The following REEP1 variants were observed in gnomAD, a reference collection of about 807,000 sequenced individuals.
REEP1 encodes receptor accessory protein 1.
A neutral mutation model predicts 40.3 loss-of-function variants in REEP1; 22 were observed. The ratio of observed to expected loss-of-function variants is 0.55; its 90% CI spans 0.39 to 0.78. REEP1 has a LOEUF of 0.78. Among genes scored for constraint, REEP1 ranks in the 30% least tolerant of loss-of-function variants. The pLI, the probability that REEP1 is intolerant of heterozygous loss-of-function variation, is 0.00. For missense variants in REEP1, 280 were observed against 361.1 expected (o/e 0.78, Z 1.82); for synonymous variants, 116 against 139.2 (o/e 0.83, Z 1.17).
At chr2:86,248,292 G>T (rs1676078728) in intron 5 of REEP1, among the ~76,000 whole-genome samples, 1 of 152,174 alleles carries the variant, frequency 6.6e-6, no homozygotes, top group African/African-American at 2.4e-5. Flanking sequence ...TACTGAGAGT[G>T]AGAACTGATT....
At position 86,214,627 on chromosome 2, in the gene REEP1, GT is replaced by G. The variant is rs1176545201; in HGVS notation, c.*2411del. On this transcript the variant is annotated 3_prime_UTR_variant, in exon 9 of 9. Transcript: ENST00000538924. ...TTACAGGCTTTCACATTTTATGTCA[GT>G]TCATACACAAATGTACAACTTGTCA... 6.6e-6 allele frequency: 1 copy of G among 152,572 alleles called. No homozygotes were observed. Among genetic ancestry groups the G allele is most frequent in the Non-Finnish European group, 1.5e-5 (1 of 68,024 alleles). 9.5% of individuals were successfully genotyped at this position (152,572 alleles called of 1,614,324 possible). A position where few individuals can be genotyped will look rare whatever the true frequency, so the allele number is the denominator to read the frequency against.
At position 86,254,785 on chromosome 2, in the gene REEP1, G is replaced by A; in HGVS notation, c.212C>T (p.Ala71Val). ...WFPFYYELKIAFVAWLLSPYT... is the reference protein window; with the variant it reads ...WFPFYYELKIVFVAWLLSPYT... ...GGGAGACAGCAGCCAGGCTACAAATGCTATTTTTAGTTCATAATAGAATGG... is the reference window on the plus strand; with the variant it reads ...GGGAGACAGCAGCCAGGCTACAAATACTATTTTTAGTTCATAATAGAATGG... Residue 71 changes from alanine to valine, a missense_variant, in exon 4 of 9, where the codon GCA (alanine) becomes GTA (valine). Ala to Val is a moderately conservative substitution (Grantham distance 64, BLOSUM62 0). Coordinates refer to ENST00000538924, the MANE Select transcript of REEP1 (RefSeq NM_001371279.1). 1.2e-6 allele frequency: 2 copies of A among 1,613,974 alleles called. No individual in the cohort carries two copies. The highest frequency in any genetic ancestry group is 1.7e-6 in the Non-Finnish European group (2 of 1,179,848).
intron 1 of REEP1, among the ~76,000 whole-genome samples, chr2:86,302,074 A>C (rs1679276019): frequency 6.6e-6 from 1 of 152,262 alleles, no homozygotes; most frequent in Non-Finnish European, 1.5e-5. Flanking sequence ...ATGGATGTGC[A>C]GCTAATGGAG....
At chr2:86,327,916 G>T (rs1390095388) in intron 1 of REEP1, among the ~76,000 whole-genome samples, 1 of 152,172 alleles carries the variant, frequency 6.6e-6, no homozygotes, top group Non-Finnish European at 1.5e-5. Context: ...TAGAAGCAGA[G>T]AAAACAGTCA....
At chr2:86,270,652 C>T (rs1677393403) in intron 2 of REEP1, among the ~76,000 whole-genome samples, 1 of 151,964 alleles carries the variant, frequency 6.6e-6, no homozygotes, top group East Asian at 1.9e-4. Flanking sequence ...TGAAATGAAA[C>T]AGTATGACAG....
intron 1 of REEP1, among the ~76,000 whole-genome samples, chr2:86,324,268 G>A (rs1319742672): frequency 1.3e-5 from 2 of 152,128 alleles, no homozygotes; most frequent in African/African-American, 4.8e-5. Context: ...CAGAAGTTTA[G>A]CATCCAGAAG....
intron 1 of REEP1, among the ~76,000 whole-genome samples, chr2:86,319,450 GC>G (rs1680181326): frequency 1.3e-5 from 2 of 151,602 alleles, no homozygotes; most frequent in African/African-American, 4.9e-5. Context: ...GGGCAGAGTG[GC>G]TCACTCACGC....
At position 86,227,413 on chromosome 2, in the gene REEP1, T is replaced by C. The variant is rs1674766290; in HGVS notation, c.596-15A>G. On this transcript the variant is annotated splice_polypyrimidine_tract_variant and intron_variant, in intron 6 of 8. Coordinates refer to ENST00000538924, the MANE Select transcript of REEP1 (RefSeq NM_001371279.1). ...GCAGGTACACACTGTGGGAATGGGG[T>C]AGGGGCACCATCAGTGACATCCCCC... is the stretch of plus-strand genomic sequence containing the variant. 14 of 1,232,224 alleles carry C rather than the reference T, an allele frequency of 1.1e-5. No homozygotes were observed. Among genetic ancestry groups the C allele is most frequent in the Non-Finnish European group, 1.4e-5 (14 of 988,172 alleles). The allele number at this position is 1,232,224 out of a possible 1,614,324, so 76.3% of individuals were successfully genotyped here.
At chr2:86,316,047 C>A (rs1019748185) in intron 1 of REEP1, among the ~76,000 whole-genome samples, 2 of 152,232 alleles carry the variant, frequency 1.3e-5, no homozygotes, top group Admixed American at 1.3e-4. Flanking sequence ...CAGGCTTAAT[C>A]TGAAACAGGC....
chr2:86,267,818 T>C (rs1031633238), intron 2 of REEP1, among the ~76,000 whole-genome samples: 1 of 151,876 alleles, frequency 6.6e-6, no homozygotes, highest in African/African-American at 2.4e-5. Context: ...AAGGTACTTA[T>C]ATCTAAATAT....
chr2:86,268,672 A>T (rs370610200), intron 2 of REEP1, among the ~76,000 whole-genome samples: 1 of 152,236 alleles, frequency 6.6e-6, no homozygotes, highest in Non-Finnish European at 1.5e-5. Flanking sequence ...AACAATTAAT[A>T]TAATACAAAA....
At chr2:86,251,909 A>C (rs1676297042) in intron 5 of REEP1, 48 bp downstream of exon 5, 1 of 1,294,222 alleles carries the variant, frequency 7.7e-7, no homozygotes, top group African/African-American at 1.5e-5. Flanking sequence ...AGCAGGGCAC[A>C]CTAGAGGGAC....
At chr2:86,270,866 A>C (rs529915993) in intron 2 of REEP1, among the ~76,000 whole-genome samples, 1 of 152,056 alleles carries the variant, frequency 6.6e-6, no homozygotes, top group Non-Finnish European at 1.5e-5. Context: ...AAAAAAAAAC[A>C]CTTGAAGAAT....
intron 5 of REEP1, among the ~76,000 whole-genome samples, chr2:86,245,855 C>T (rs1344488296): frequency 7.2e-5 from 11 of 151,726 alleles, no homozygotes; most frequent in Non-Finnish European, 1.3e-4. Context: ...AGCTCCGCCT[C>T]CCTGGTTCAC....
intron 1 of REEP1, among the ~76,000 whole-genome samples, chr2:86,290,620 A>C (rs138207217): frequency 0.013 from 1,937 of 152,268 alleles, 46 homozygotes; most frequent in African/African-American, 0.043. Context: ...GCCTTCCCAA[A>C]ACCATAATCC....
chr2:86,257,309 T>G (rs940042242), intron 3 of REEP1, among the ~76,000 whole-genome samples: 1 of 149,644 alleles, frequency 6.7e-6, no homozygotes, highest in African/African-American at 2.6e-5. Context: ...AGATGTCTTT[T>G]AAAAAAAATA....
At chr2:86,234,377 G>A (rs1490091801) in intron 5 of REEP1, among the ~76,000 whole-genome samples, 1 of 152,072 alleles carries the variant, frequency 6.6e-6, no homozygotes, top group Non-Finnish European at 1.5e-5. Context: ...AACTAGCTGG[G>A]CATGGTGGTA....
At chr2:86,260,235 G>A (rs185190976) in intron 3 of REEP1, among the ~76,000 whole-genome samples, 1 of 152,152 alleles carries the variant, frequency 6.6e-6, no homozygotes, top group Admixed American at 6.5e-5. Context: ...CAGGCAGAAA[G>A]GTTCCTAAGG....
chr2:86,316,108 C>A (rs774668606), intron 1 of REEP1, among the ~76,000 whole-genome samples: 1 of 152,170 alleles, frequency 6.6e-6, no homozygotes, highest in Non-Finnish European at 1.5e-5. Context: ...GCTCTGGTGA[C>A]AATCTTGAGC....
Sources: gnomAD v4.1 joint callset for allele counts (sites outside exome capture counted in the v4.1 genomes callset) on GRCh38, gnomAD v4.1.1 for gene constraint, MANE v1.5 for transcripts, NCBI Gene and HGNC (gene_info 2026-07-23, HGNC 2026-07-21) for gene names.